Variants in SPG7 observed in about 807,000 individuals in gnomAD.
The protein encoded by SPG7 is mitochondrial inner membrane m-AAA protease component paraplegin.
In SPG7, 103 loss-of-function variants were observed where a neutral mutation model predicts 81.9. That is an observed-to-expected ratio of 1.26 (90% CI 1.07 to 1.48). The LOEUF (loss-of-function observed/expected upper bound fraction) is 1.48. Ranked by LOEUF, SPG7 falls within the 40% of genes most tolerant of loss-of-function variation. The pLI, the probability that SPG7 is intolerant of heterozygous loss-of-function variation, is 0.00. For missense variants in SPG7, 1,241 were observed against 1,087.3 expected, an observed-to-expected ratio of 1.14 and a Z score of -1.99; for synonymous variants, 534 against 444.2, an observed-to-expected ratio of 1.20 and a Z score of -2.54.
intron 5 of SPG7, chr16:89,527,347 A>G (rs1302562315): frequency 3.9e-5 from 6 of 152,212 alleles, no homozygotes; most frequent in Non-Finnish European, 7.3e-5. Flanking sequence ...GTGCTCTTTG[A>G]TGAAAGCTTC....
At chr16:89,556,827 G>A in intron 16 of SPG7, 60 bp from the exon 17 acceptor site, 1 of 1,355,690 alleles carries the variant, frequency 7.4e-7, no homozygotes, top group Non-Finnish European at 1.1e-6. Context: ...ACCTCCCCAG[G>A]ACATAGAGAT....
chr16:89,555,731 A>C (rs758097524), intron 16 of SPG7: 49 of 397,548 alleles, frequency 1.2e-4, no homozygotes, highest in Non-Finnish European at 1.9e-4. Context: ...CAGTGGGCAG[A>C]GCTGGAGTGA....
chr16:89,546,087 G>C, intron 10 of SPG7: 7 of 279,252 alleles, frequency 2.5e-5, no homozygotes, highest in South Asian at 2.1e-4. Context: ...TTCCAAGAGC[G>C]TTCTCTTTTT....
intron 3 of SPG7, chr16:89,523,738 C>G: frequency 1.7e-6 from 1 of 584,272 alleles, no homozygotes; most frequent in Non-Finnish European, 3.2e-6. Flanking sequence ...CTAAGTGTTT[C>G]GATTTAGAAA....
intron 16 of SPG7, chr16:89,555,810 T>C (rs1597667479): frequency 1.0e-5 from 4 of 395,470 alleles, no homozygotes; most frequent in Non-Finnish European, 1.8e-5. Flanking sequence ...CTTTGTCCCA[T>C]GTTGTGAACA....
At chr16:89,511,892 GTGTTGTTGT>G (rs201292211) in intron 2 of SPG7, among the ~76,000 whole-genome samples, 1 of 145,276 alleles carries the variant, frequency 6.9e-6, no homozygotes, top group Non-Finnish European at 1.5e-5. Flanking sequence ...CTACATTTTT[GTGTTGTTGT>G]TGTTGTTGTT....
chr16:89,510,637 ACCG>A (rs755039743), intron 2 of SPG7, 45 bp downstream of exon 2: 11 of 1,202,882 alleles, frequency 9.1e-6, no homozygotes, highest in Non-Finnish European at 1.4e-5. Context: ...CTGCACACTT[ACCG>A]CCTCAGCTAC....
In SPG7 at chr16:89,529,558, G is replaced by A; in HGVS notation, c.840G>A (p.Arg280=). 1 of 1,613,584 alleles carries A rather than the reference G, an allele frequency of 6.2e-7. No individual in the cohort carries two copies. The highest frequency in any genetic ancestry group is 1.1e-5 in the South Asian group (1 of 91,040). ...TCCGTCTGGCCGGGATGACTGGAAG[G>A]GAAGGTGGATTCAGTGCTTTTGTAA... The part of the protein sequence containing the change: ...YVFRLAGMTG[R]EGGFSAFNQL... Residue 280 remains arginine (R), a synonymous_variant, in exon 6 of 17, where the codon AGG becomes AGA. Coordinates refer to ENST00000645818, the MANE Select transcript of SPG7 (RefSeq NM_003119.4).
intron 3 of SPG7, among the ~76,000 whole-genome samples, chr16:89,515,381 G>C (rs2058082532): frequency 6.6e-6 from 1 of 151,612 alleles, no homozygotes; most frequent in South Asian, 2.1e-4. Context: ...CGATTCTCCT[G>C]CCTCAGCCTC....
intron 5 of SPG7, 168 bp from the exon 6 acceptor site, chr16:89,529,308 GA>G: frequency 1.5e-6 from 1 of 657,786 alleles, no homozygotes; most frequent in Admixed American, 2.2e-5. Flanking sequence ...CAGCGAGAAT[GA>G]GACGAGAGAA....
chr16:89,527,810 C>T (rs569348516), intron 5 of SPG7, among the ~76,000 whole-genome samples: 1 of 152,244 alleles, frequency 6.6e-6, no homozygotes, highest in South Asian at 2.1e-4. Context: ...CAAAATGTAC[C>T]TCTAGCCGGG....
In SPG7 at chr16:89,524,136, C is replaced by T; in HGVS notation, c.507C>T (p.Asp169=). 3 of 1,614,140 alleles carry T rather than the reference C, an allele frequency of 1.9e-6. No homozygotes were observed. Among genetic ancestry groups the T allele is most frequent in the Non-Finnish European group, 2.5e-6 (3 of 1,180,042 alleles). The change falls in exon 4 of 17, where the codon GAC becomes GAT. Residue 169 remains aspartate (D), a synonymous_variant. Coordinates refer to ENST00000645818, the MANE Select transcript of SPG7 (RefSeq NM_003119.4). ...STSGGSISWN[D]FVHEMLAKGE... is the part of the protein sequence containing the mutation. ...GCGGAGGCAGCATTTCCTGGAACGACTTTGTCCACGAGATGCTGGCCAAGG... is the reference window on the plus strand; with the variant it reads ...GCGGAGGCAGCATTTCCTGGAACGATTTTGTCCACGAGATGCTGGCCAAGG...
Position 89,547,986 on chromosome 16 carries a change from G to T in SPG7, c.1553-17G>T. The T allele has an allele frequency of 6.2e-7, 1 of 1,603,920 alleles. No homozygotes were observed. Among genetic ancestry groups the T allele is most frequent in the African/African-American group, 1.3e-5 (1 of 74,878 alleles). ...CAGAAACCCACCCACCCACACCGTG[G>T]CTGTTTGTGTTGACAGGGGCTGACA... On this transcript the variant is annotated splice_polypyrimidine_tract_variant and intron_variant, in intron 11 of 16. Coordinates refer to ENST00000645818, the MANE Select transcript of SPG7 (RefSeq NM_003119.4).
chr16:89,547,838 C>T (rs1229961162), intron 11 of SPG7, 165 bp from the exon 12 acceptor site: 1 of 671,712 alleles, frequency 1.5e-6, no homozygotes, highest in African/African-American at 1.8e-5. Context: ...GTCTCAAACT[C>T]CTGACCTCAG....
rs746756159 is a variant in SPG7 at position 89,557,077 on chromosome 16, C to T, written c.2372C>T (p.Pro791Leu). 4 of 1,611,446 alleles carry T rather than the reference C, an allele frequency of 2.5e-6. No homozygotes were observed. The highest frequency in any genetic ancestry group is 1.7e-5 in the Admixed American group (1 of 60,020). Reference protein sequence around the residue: ...TQQPPLGGEEPTWPK With the variant: ...TQQPPLGGEELTWPK The stretch of plus-strand genomic sequence containing the variant: ...CAGCCTCCACTTGGAGGCGAAGAGC[C>T]GACTTGGCCCAAGTAGTTGGGAGGT... The change falls in exon 17 of 17, where the codon CCG becomes CTG. Residue 791 changes from proline (P) to leucine (L), a missense_variant. Physicochemically the swap from Pro to Leu is moderately conservative, Grantham distance 98. Transcript: ENST00000645818.
chr16:89,525,282 T>G (rs1327530298), intron 4 of SPG7, among the ~76,000 whole-genome samples: 1 of 152,232 alleles, frequency 6.6e-6, no homozygotes. Context: ...TTGCTATTTT[T>G]AAAAACAGGA....
At chr16:89,512,691 TA>T (rs1334585325) in intron 2 of SPG7, among the ~76,000 whole-genome samples, 1 of 152,268 alleles carries the variant, frequency 6.6e-6, no homozygotes, top group African/African-American at 2.4e-5. Flanking sequence ...AACTATTTTT[TA>T]TTCCCTCACA....
intron 13 of SPG7, 167 bp from the exon 14 acceptor site, chr16:89,552,812 G>C: frequency 1.5e-6 from 1 of 680,992 alleles, no homozygotes; most frequent in East Asian, 2.7e-5. Flanking sequence ...GCTGTCTCTG[G>C]GCTGGCCATC....
At chr16:89,545,513 C>T (rs1008285381) in intron 10 of SPG7, 2 of 188,646 alleles carry the variant, frequency 1.1e-5, no homozygotes, top group Non-Finnish European at 2.2e-5. Flanking sequence ...CGCTGGGACA[C>T]GGCTTCTCCA....
Sources: allele counts gnomAD v4.1 joint callset (sites outside exome capture counted in the v4.1 genomes callset), GRCh38; gene constraint gnomAD v4.1.1; transcripts MANE v1.5; gene names NCBI Gene and HGNC (gene_info 2026-07-23, HGNC 2026-07-21).